ZNG1E: variants seen among roughly 807,000 people sequenced by gnomAD.
The protein encoded by ZNG1E is zinc-regulated GTPase metalloprotein activator 1E.
the ZNG1E span, among the ~76,000 whole-genome samples, chr9:65,678,796 T>A: frequency 5.0e-5 from 6 of 119,302 alleles, no homozygotes; most frequent in African/African-American, 2.1e-4. Context: ...TAAAAACTTT[T>A]ATAGATTGTT....
the ZNG1E span, among the ~76,000 whole-genome samples, chr9:65,664,147 C>T: frequency 2.6e-5 from 4 of 152,008 alleles, no homozygotes; most frequent in African/African-American, 7.2e-5. Context: ...ATAAAAAATA[C>T]ATATTTACAT....
At chr9:65,722,929 C>T in the ZNG1E span, among the ~76,000 whole-genome samples, 2 of 58,054 alleles carry the variant, frequency 3.4e-5, no homozygotes, top group African/African-American at 1.5e-4. Flanking sequence ...TTCTAACTCC[C>T]ACTCAGGTCA....
chr9:65,662,068 A>C, the ZNG1E span, among the ~76,000 whole-genome samples: 1 of 152,194 alleles, frequency 6.6e-6, no homozygotes, highest in Non-Finnish European at 1.5e-5. Context: ...CCCTGCTGAC[A>C]AAGTTAACAT....
chr9:65,714,258 A>T, the ZNG1E span, among the ~76,000 whole-genome samples: 4 of 149,236 alleles, frequency 2.7e-5, no homozygotes, highest in Non-Finnish European at 4.4e-5. Context: ...TACATTCTTC[A>T]AAATTTTTTC....
At chr9:65,684,614 C>G in the ZNG1E span, among the ~76,000 whole-genome samples, 510 of 151,478 alleles carry the variant, frequency 3.4e-3, no homozygotes, top group African/African-American at 0.012. Flanking sequence ...TTCCAGGGAT[C>G]TCTCTATGCC....
the ZNG1E span, among the ~76,000 whole-genome samples, chr9:65,676,535 C>T: frequency 1.4e-5 from 2 of 148,030 alleles, 1 homozygote. Flanking sequence ...AAGGATGTCC[C>T]GTCTGTAAAA....
At chr9:65,659,258 G>GT in the ZNG1E span, among the ~76,000 whole-genome samples, 1 of 151,594 alleles carries the variant, frequency 6.6e-6, no homozygotes, top group Non-Finnish European at 1.5e-5. Flanking sequence ...AGAACTTTAG[G>GT]AGGCGAGGAG....
At chr9:65,660,828 G>GATAT in the ZNG1E span, among the ~76,000 whole-genome samples, 122 of 130,028 alleles carry the variant, frequency 9.4e-4, no homozygotes, top group East Asian at 1.4e-3. Flanking sequence ...TGGTTATACA[G>GATAT]ATATATATAT....
the ZNG1E span, among the ~76,000 whole-genome samples, chr9:65,672,449 TAAA>T: frequency 7.0e-6 from 1 of 143,028 alleles, no homozygotes. Flanking sequence ...TCTTATAAGT[TAAA>T]AAAAAAAAAA....
At chr9:65,718,950 G>T in the ZNG1E span, among the ~76,000 whole-genome samples, 2 of 57,032 alleles carry the variant, frequency 3.5e-5, no homozygotes, top group African/African-American at 6.6e-5. Flanking sequence ...TTCGTTGTTA[G>T]ATTTTTTTTT....
the ZNG1E span, among the ~76,000 whole-genome samples, chr9:65,675,268 G>A: frequency 2.6e-5 from 4 of 152,364 alleles, no homozygotes; most frequent in East Asian, 7.7e-4. Flanking sequence ...TAGAAAGAAG[G>A]GCTATCTATG....
the ZNG1E span, among the ~76,000 whole-genome samples, chr9:65,673,490 C>T: frequency 6.6e-6 from 1 of 151,500 alleles, no homozygotes; most frequent in Non-Finnish European, 1.5e-5. Context: ...ATGTGTAAAA[C>T]TTATTTTGCT....
At chr9:65,705,142 T>C in the ZNG1E span, among the ~76,000 whole-genome samples, 6 of 150,130 alleles carry the variant, frequency 4.0e-5, no homozygotes, top group Admixed American at 2.7e-4. Flanking sequence ...TGGTAAGACT[T>C]AAGTTGATTT....
chr9:65,667,993 T>C, the ZNG1E span, among the ~76,000 whole-genome samples: 1 of 140,588 alleles, frequency 7.1e-6, no homozygotes, highest in Non-Finnish European at 1.6e-5. Flanking sequence ...CAAAACTTCG[T>C]CTCAAAAAAA....
the ZNG1E span, among the ~76,000 whole-genome samples, chr9:65,666,898 G>A: frequency 3.3e-5 from 5 of 152,174 alleles, no homozygotes; most frequent in Admixed American, 1.3e-4. Flanking sequence ...TTGGCTCACT[G>A]CAACCTCCAT....
At chr9:65,669,579 G>A in the ZNG1E span, among the ~76,000 whole-genome samples, 1 of 146,164 alleles carries the variant, frequency 6.8e-6, no homozygotes, top group African/African-American at 2.5e-5. Flanking sequence ...TAGAGAGATT[G>A]GTGCACCACT....
chr9:65,714,344 C>G, the ZNG1E span, among the ~76,000 whole-genome samples: 1 of 151,650 alleles, frequency 6.6e-6, no homozygotes. Flanking sequence ...CTGAAGCCTT[C>G]TTTTCTCAGC....
the ZNG1E span, among the ~76,000 whole-genome samples, chr9:65,659,033 G>C: frequency 8.5e-5 from 13 of 152,242 alleles, no homozygotes; most frequent in East Asian, 2.5e-3. Flanking sequence ...AAGTGGGGCA[G>C]GGGACACAAT....
the ZNG1E span, chr9:65,690,991 T>C: frequency 6.2e-7 from 1 of 1,605,028 alleles, no homozygotes; most frequent in East Asian, 2.2e-5. Flanking sequence ...ATGTTTTGGG[T>C]TGATGCTGAA....
Sources: gnomAD v4.1 joint callset for allele counts (sites outside exome capture counted in the v4.1 genomes callset) on GRCh38, gnomAD v4.1.1 for gene constraint, MANE v1.5 for transcripts, NCBI Gene and HGNC (gene_info 2026-07-23, HGNC 2026-07-21) for gene names.